TMEM131: variants seen among roughly 807,000 people sequenced by gnomAD.
The protein encoded by TMEM131 is 2610524E03Rik.
TMEM131 carries 66 observed loss-of-function variants against 211.6 expected under a neutral mutation model. The observed-to-expected ratio is 0.31, with a 90% CI of 0.26 to 0.38. TMEM131 has a LOEUF of 0.38. Among genes scored for constraint, TMEM131 ranks in the 10% least tolerant of loss-of-function variants. The pLI, the probability that TMEM131 is intolerant of heterozygous loss-of-function variation, is 1.00. For missense variants in TMEM131, 2,036 were observed against 2,299.3 expected, an observed-to-expected ratio of 0.89 and a Z score of 2.34; for synonymous variants, 844 against 841.3, an observed-to-expected ratio of 1.00 and a Z score of -0.06.
intron 1 of TMEM131, among the ~76,000 whole-genome samples, chr2:97,960,784 G>A (rs983464296): frequency 6.6e-6 from 1 of 152,022 alleles, no homozygotes; most frequent in African/African-American, 2.4e-5. Flanking sequence ...GCTTAAAGGT[G>A]TTTTACCAAA....
Position 97,995,465 on chromosome 2 carries a change from G to A in TMEM131, c.187+11C>T, listed in dbSNP as rs959910868. The stretch of plus-strand genomic sequence containing the variant: ...AGCCCCGCCGCAGGGACGCCGCCGG[G>A]GGACACCCACCTTCCTTCTCGGCCC... On this transcript the variant is annotated intron_variant, in intron 1 of 40. Coordinates refer to ENST00000186436, the MANE Select transcript of TMEM131 (RefSeq NM_015348.2). The A allele has an allele frequency of 2.2e-6, 3 of 1,388,504 alleles. No individual in the cohort carries two copies. Among genetic ancestry groups the A allele is most frequent in the Non-Finnish European group, 9.4e-7 (1 of 1,066,174 alleles). 86.0% of individuals were successfully genotyped at this position (1,388,504 alleles called of 1,614,324 possible). A position where few individuals can be genotyped will look rare whatever the true frequency, so the allele number is the denominator to read the frequency against.
chr2:97,849,891 A>G (rs756253029), intron 5 of TMEM131, among the ~76,000 whole-genome samples: 5 of 152,142 alleles, frequency 3.3e-5, no homozygotes, highest in Admixed American at 6.5e-5. Flanking sequence ...GCAAGATTAA[A>G]GCCAAATTAA....
chr2:97,846,159 A>G (rs2105118857), intron 5 of TMEM131, among the ~76,000 whole-genome samples: 1 of 152,374 alleles, frequency 6.6e-6, no homozygotes, highest in South Asian at 2.1e-4. Flanking sequence ...AGAAAGAAAT[A>G]ATACCTACGT....
At chr2:97,915,046 T>C (rs1676451668) in intron 2 of TMEM131, among the ~76,000 whole-genome samples, 1 of 152,240 alleles carries the variant, frequency 6.6e-6, no homozygotes. Context: ...TATTTGGTGT[T>C]GTCACTGTTT....
intron 1 of TMEM131, among the ~76,000 whole-genome samples, chr2:97,950,877 C>T (rs951872172): frequency 1.3e-5 from 2 of 152,124 alleles, no homozygotes; most frequent in African/African-American, 4.8e-5. Flanking sequence ...AGGAGGAAAA[C>T]GAGCTTAGTT....
chr2:97,890,879 G>A (rs1055380035), intron 3 of TMEM131, among the ~76,000 whole-genome samples: 1 of 152,164 alleles, frequency 6.6e-6, no homozygotes, highest in Admixed American at 6.5e-5. Context: ...AACTGTTACT[G>A]TGATATTTAC....
intron 1 of TMEM131, among the ~76,000 whole-genome samples, chr2:97,967,364 T>C (rs908029606): frequency 6.6e-6 from 1 of 152,114 alleles, no homozygotes; most frequent in Non-Finnish European, 1.5e-5. Context: ...TACTGAAAAA[T>C]ATACTGGTTG....
At chr2:97,873,404 G>C (rs58576615) in intron 4 of TMEM131, among the ~76,000 whole-genome samples, 1 of 151,768 alleles carries the variant, frequency 6.6e-6, no homozygotes, top group Non-Finnish European at 1.5e-5. Flanking sequence ...TCTGCTGAAG[G>C]TCAGACTGCC....
At chr2:97,963,058 T>C (rs979084643) in intron 1 of TMEM131, among the ~76,000 whole-genome samples, 2 of 152,220 alleles carry the variant, frequency 1.3e-5, no homozygotes, top group African/African-American at 4.8e-5. Flanking sequence ...TCTGAGATGA[T>C]GGAAATGTCC....
intron 2 of TMEM131, among the ~76,000 whole-genome samples, chr2:97,914,153 C>A (rs1333085251): frequency 6.6e-6 from 1 of 152,100 alleles, no homozygotes; most frequent in Non-Finnish European, 1.5e-5. Context: ...CAAAAGGGGT[C>A]TTTCCTGACT....
At chr2:97,990,520 A>G (rs559061320) in intron 1 of TMEM131, among the ~76,000 whole-genome samples, 5 of 152,324 alleles carry the variant, frequency 3.3e-5, no homozygotes, top group South Asian at 2.1e-4. Flanking sequence ...CACGCTGGGT[A>G]TATTACTTAA....
chr2:97,766,105 T>C lies in TMEM131; in HGVS notation c.4723+9A>G, dbSNP rs1024938418. ...TGGAGCCCTGTGGTTTCTAAACTAC[T>C]ATACTTACAGCTGCCAGGTTTGTGA... On this transcript the variant is annotated intron_variant, in intron 35 of 40. Coordinates refer to ENST00000186436, the MANE Select transcript of TMEM131 (RefSeq NM_015348.2). 3 of 1,613,800 alleles carry C rather than the reference T, an allele frequency of 1.9e-6. No individual in the cohort carries two copies. Among genetic ancestry groups the C allele is most frequent in the Admixed American group, 1.7e-5 (1 of 59,994 alleles).
chr2:97,867,904 C>T (rs1359608395), intron 4 of TMEM131, among the ~76,000 whole-genome samples: 1 of 152,080 alleles, frequency 6.6e-6, no homozygotes, highest in Non-Finnish European at 1.5e-5. Context: ...CCAGAGACTG[C>T]CACTGTTCTT....
At chr2:97,820,646 C>T (rs554887806) in intron 11 of TMEM131, among the ~76,000 whole-genome samples, 1 of 152,220 alleles carries the variant, frequency 6.6e-6, no homozygotes, top group Admixed American at 6.5e-5. Flanking sequence ...ATCATGAGGT[C>T]AGGAGTTCAA....
intron 21 of TMEM131, 38 bp downstream of exon 21, chr2:97,805,338 G>T: frequency 6.3e-7 from 1 of 1,599,878 alleles, no homozygotes; most frequent in Non-Finnish European, 8.5e-7. Flanking sequence ...TATTTTGGGG[G>T]AAGTGAAGAC....
At chr2:97,880,747 T>A (rs1222376335) in intron 4 of TMEM131, among the ~76,000 whole-genome samples, 1 of 152,028 alleles carries the variant, frequency 6.6e-6, no homozygotes, top group African/African-American at 2.4e-5. Flanking sequence ...GTCAAAGGCA[T>A]GGAAGAGCCC....
intron 4 of TMEM131, among the ~76,000 whole-genome samples, chr2:97,881,156 T>G (rs911898583): frequency 6.6e-6 from 1 of 152,170 alleles, no homozygotes; most frequent in Non-Finnish European, 1.5e-5. Context: ...AACCCCTCAC[T>G]GATTGCAAGA....
intron 1 of TMEM131, among the ~76,000 whole-genome samples, chr2:97,953,508 T>C (rs919924509): frequency 6.6e-6 from 1 of 152,110 alleles, no homozygotes; most frequent in African/African-American, 2.4e-5. Context: ...TAAAAGTAAA[T>C]GCACCAAACA....
At chr2:97,808,674 T>C (rs897882127) in intron 19 of TMEM131, among the ~76,000 whole-genome samples, 2 of 152,196 alleles carry the variant, frequency 1.3e-5, no homozygotes, top group Non-Finnish European at 2.9e-5. Context: ...GAAGAAACGA[T>C]CTCTCATCCG....
Sources: allele counts gnomAD v4.1 joint callset (sites outside exome capture counted in the v4.1 genomes callset), GRCh38; gene constraint gnomAD v4.1.1; transcripts MANE v1.5; gene names NCBI Gene and HGNC (gene_info 2026-07-23, HGNC 2026-07-21).